GALNT18: variants seen among roughly 807,000 people sequenced by gnomAD.
The protein encoded by GALNT18 is GalNAc-transferase 18.
Under a neutral mutation model 69.5 loss-of-function variants are expected in GALNT18, and 44 were observed. The ratio of observed to expected loss-of-function variants is 0.63; its 90% CI spans 0.50 to 0.81. The LOEUF (loss-of-function observed/expected upper bound fraction) is 0.81, where lower values mean the gene tolerates loss of function less well. Among genes scored for constraint, GALNT18 ranks in the 40% least tolerant of loss-of-function variants. The pLI is 0.00. For missense variants in GALNT18, 715 were observed against 810.0 expected (o/e 0.88, Z 1.42); for synonymous variants, 364 against 318.2 (o/e 1.14, Z -1.53).
rs1371047190 is a variant in GALNT18 at position 11,347,316 on chromosome 11, G to T, written c.1093-6312C>A. On this transcript the variant is annotated intron_variant, in intron 6 of 10. Transcript: ENST00000227756. The surrounding 1 kb of genome is among the most constrained non-coding windows in gnomAD (Gnocchi z 4.0). ...GGACACATAGTAGACAAAGCAATGG[G>T]ATGTAGTTTGATAATCTCTTCTACT... 6.6e-6 allele frequency among the ~76,000 whole-genome samples: 1 copy of T among 152,200 alleles called. No homozygotes were observed. The highest frequency in any genetic ancestry group is 1.5e-5 in the Non-Finnish European group (1 of 68,032).
chr11:11,606,542 C>A lies in GALNT18; in HGVS notation c.235+14817G>T, dbSNP rs960945211. 6.6e-6 allele frequency among the ~76,000 whole-genome samples: 1 copy of A among 152,114 alleles called. No individual in the cohort carries two copies. The highest frequency in any genetic ancestry group is 2.4e-5 in the African/African-American group (1 of 41,412). ...CGAATCATCACTCTGGTTTGAGGGG[C>A]TGAGAAGAAGCTCTGTTCCCAGATA... is the stretch of plus-strand genomic sequence containing the variant. On this transcript the variant is annotated intron_variant, in intron 1 of 10. Transcript: ENST00000227756. The surrounding 1 kb of genome is among the most constrained non-coding windows in gnomAD (Gnocchi z 5.4).
At chr11:11,276,783 C>CAAAA (rs1848958883) in intron 10 of GALNT18, among the ~76,000 whole-genome samples, 2 of 152,134 alleles carry the variant, frequency 1.3e-5, no homozygotes, top group Non-Finnish European at 2.9e-5. Flanking sequence ...TGGTTTTTGT[C>CAAAA]ACTGGTTCTG....
chr11:11,565,404 T>G (rs1858620954), intron 1 of GALNT18, among the ~76,000 whole-genome samples: 1 of 152,242 alleles, frequency 6.6e-6, no homozygotes, highest in South Asian at 2.1e-4. Flanking sequence ...CTGGTATGCC[T>G]GTGGCTTCAG....
chr11:11,488,955 G>A (rs999371934), intron 1 of GALNT18, among the ~76,000 whole-genome samples: 3 of 152,168 alleles, frequency 2.0e-5, no homozygotes, highest in Non-Finnish European at 4.4e-5. Context: ...CTTGACCCAC[G>A]TGGCCTTTAG....
At chr11:11,473,494 GA>G (rs149554958) in intron 1 of GALNT18, among the ~76,000 whole-genome samples, 5,230 of 152,272 alleles carry the variant, frequency 0.034, 212 homozygotes, top group African/African-American at 0.1. Context: ...TTAGCATTTA[GA>G]AAGCCTGAGG....
chr11:11,496,717 T>A lies in GALNT18; in HGVS notation c.236-47781A>T, dbSNP rs561656814. On this transcript the variant is annotated intron_variant, in intron 1 of 10. Transcript: ENST00000227756. The surrounding 1 kb of genome is among the most constrained non-coding windows in gnomAD (Gnocchi z 4.0). Reference sequence around the variant, plus strand: ...CTGAGCCTCGGTTTCCTTGTGAGGATCCCCCACTACTCTGAATCCACCCAC... The same window carrying A: ...CTGAGCCTCGGTTTCCTTGTGAGGAACCCCCACTACTCTGAATCCACCCAC... Among the ~76,000 whole-genome samples the A allele has an allele frequency of 6.6e-6, 1 of 150,758 alleles. No homozygotes were observed. Among genetic ancestry groups the A allele is most frequent in the Non-Finnish European group, 1.5e-5 (1 of 67,770 alleles).
intron 10 of GALNT18, among the ~76,000 whole-genome samples, chr11:11,292,739 T>C (rs1050904570): frequency 2.0e-5 from 3 of 152,058 alleles, no homozygotes; most frequent in African/African-American, 4.8e-5. Flanking sequence ...AGTTTCCTTA[T>C]ATCTAAAAAG....
intron 9 of GALNT18, among the ~76,000 whole-genome samples, chr11:11,311,476 G>A (rs143197786): frequency 5.1e-4 from 78 of 152,330 alleles, no homozygotes; most frequent in African/African-American, 1.8e-3. Context: ...AAGGGGAAGT[G>A]TTAGTGAAAG....
In GALNT18 at chr11:11,497,958, AAAAT is replaced by A. The variant is rs2133894613; in HGVS notation, c.236-49026_236-49023del. On this transcript the variant is annotated intron_variant, in intron 1 of 10. Transcript: ENST00000227756. The surrounding 1 kb of genome is among the most constrained non-coding windows in gnomAD (Gnocchi z 4.2). ...CTTGTTCAGCTGGTAAAAAAAATAAAAAATAAAATTATAATTCATGACTTTTTAT... is the reference window on the plus strand; with the variant it reads ...CTTGTTCAGCTGGTAAAAAAAATAAAAAAATTATAATTCATGACTTTTTAT... 6.6e-6 allele frequency among the ~76,000 whole-genome samples: 1 copy of A among 152,260 alleles called. No individual in the cohort carries two copies. The highest frequency in any genetic ancestry group is 2.4e-5 in the African/African-American group (1 of 41,564).
intron 9 of GALNT18, among the ~76,000 whole-genome samples, chr11:11,307,787 G>A (rs562271840): frequency 6.6e-6 from 1 of 152,284 alleles, no homozygotes; most frequent in African/African-American, 2.4e-5. Context: ...TTTTCTTCAT[G>A]GTAACTGGGA....
At chr11:11,277,480 T>A (rs1848973940) in intron 10 of GALNT18, among the ~76,000 whole-genome samples, 1 of 152,068 alleles carries the variant, frequency 6.6e-6, no homozygotes, top group Non-Finnish European at 1.5e-5. Context: ...GTTTGAAGGG[T>A]TTTTCATGTC....
At chr11:11,298,948 C>T (rs1391254499) in intron 9 of GALNT18, among the ~76,000 whole-genome samples, 1 of 152,168 alleles carries the variant, frequency 6.6e-6, no homozygotes, top group African/African-American at 2.4e-5. Flanking sequence ...CCTCCTGCCT[C>T]CCGCCTCCAA....
intron 1 of GALNT18, among the ~76,000 whole-genome samples, chr11:11,473,834 G>A (rs926088246): frequency 4.6e-5 from 7 of 152,202 alleles, no homozygotes; most frequent in African/African-American, 1.7e-4. Context: ...TGAGGCCGAA[G>A]TGGGAAGATT....
Position 11,432,812 on chromosome 11 carries a change from G to C in GALNT18, c.429-25C>G, listed in dbSNP as rs778538380. 6.2e-7 allele frequency: 1 copy of C among 1,606,200 alleles called. No homozygotes were observed. Among genetic ancestry groups the C allele is most frequent in the South Asian group, 1.1e-5 (1 of 90,340 alleles). ...CCTGCAAAGAACAGCCAAGCGCTTA[G>C]ATTTGTGACTCAGCTGGAGTCATCT... is the stretch of plus-strand genomic sequence containing the variant. On this transcript the variant is annotated intron_variant, in intron 2 of 10. Transcript: ENST00000227756. This position sits in a 1 kb window ranked among gnomAD's most constrained non-coding sequence, Gnocchi z 5.8.
Position 11,341,034 on chromosome 11 carries a change from G to T in GALNT18, c.1093-30C>A. ...AGAAGACATGGAGCCACTTGTCAGAGCCTGCCTGGCTCTGCCTTTCTACAC... is the reference window on the plus strand; with the variant it reads ...AGAAGACATGGAGCCACTTGTCAGATCCTGCCTGGCTCTGCCTTTCTACAC... On this transcript the variant is annotated intron_variant, in intron 6 of 10. Coordinates refer to ENST00000227756, the MANE Select transcript of GALNT18 (RefSeq NM_198516.3). The surrounding 1 kb of genome is among the most constrained non-coding windows in gnomAD (Gnocchi z 6.3). 6.4e-7 allele frequency: 1 copy of T among 1,563,624 alleles called. No homozygotes were observed. The highest frequency in any genetic ancestry group is 1.2e-5 in the South Asian group (1 of 84,300).
At chr11:11,410,749 A>G (rs535796178) in intron 3 of GALNT18, among the ~76,000 whole-genome samples, 1 of 152,228 alleles carries the variant, frequency 6.6e-6, no homozygotes, top group African/African-American at 2.4e-5. Flanking sequence ...TATGGCTCAG[A>G]ACTGGTGGCT....
chr11:11,296,330 C>T (rs1849400772), intron 9 of GALNT18, among the ~76,000 whole-genome samples: 1 of 152,182 alleles, frequency 6.6e-6, no homozygotes. Context: ...AAAGACTGCC[C>T]TGAATATTCA....
chr11:11,599,775 A>G (rs1232116783), intron 1 of GALNT18, among the ~76,000 whole-genome samples: 1 of 151,966 alleles, frequency 6.6e-6, no homozygotes, highest in African/African-American at 2.4e-5. Flanking sequence ...TTACTAAAGT[A>G]GAATTTACCA....
intron 10 of GALNT18, among the ~76,000 whole-genome samples, chr11:11,276,469 T>C (rs1848949827): frequency 1.3e-5 from 2 of 152,162 alleles, no homozygotes; most frequent in South Asian, 4.1e-4. Flanking sequence ...TCATGTCATC[T>C]GCAAACAGAG....
Sources: allele counts gnomAD v4.1 joint callset (sites outside exome capture counted in the v4.1 genomes callset), GRCh38; gene constraint gnomAD v4.1.1; non-coding constraint Gnocchi (gnomAD v3.1); transcripts MANE v1.5; gene names NCBI Gene and HGNC (gene_info 2026-07-23, HGNC 2026-07-21).